ASCC3: variants seen among roughly 807,000 people sequenced by gnomAD.
ASCC3 encodes activating signal cointegrator 1 complex subunit 3.
In ASCC3, 158 loss-of-function variants were observed where a neutral mutation model predicts 256.3. The ratio of observed to expected loss-of-function variants is 0.62; its 90% confidence interval spans 0.54 to 0.70. ASCC3 has a LOEUF of 0.70. Among genes scored for constraint, ASCC3 ranks in the 30% least tolerant of loss-of-function variants. ASCC3 has a pLI of 0.00. For synonymous variants in ASCC3, 948 were observed against 883.4 expected (o/e 1.07, Z -1.30); for missense variants, 2,259 against 2,626.0 (o/e 0.86, Z 3.05).
intron 14 of ASCC3, among the ~76,000 whole-genome samples, chr6:100,673,434 T>G (rs1310341976): frequency 6.6e-6 from 1 of 152,100 alleles, no homozygotes; most frequent in East Asian, 1.9e-4. Flanking sequence ...AATTAACATA[T>G]TTTTGTCAAA....
At chr6:100,714,285 AT>A (rs905590706) in intron 13 of ASCC3, among the ~76,000 whole-genome samples, 2 of 152,136 alleles carry the variant, frequency 1.3e-5, no homozygotes, top group Non-Finnish European at 2.9e-5. Context: ...ATTTAGTAGG[AT>A]TTTTTTAATT....
intron 36 of ASCC3, among the ~76,000 whole-genome samples, chr6:100,574,870 A>G (rs764648701): frequency 4.6e-5 from 7 of 152,250 alleles, no homozygotes; most frequent in Admixed American, 6.5e-5. Context: ...AAGAAAGCTT[A>G]TAAGTGCAGA....
At chr6:100,839,558 G>A (rs1772040413) in intron 4 of ASCC3, among the ~76,000 whole-genome samples, 1 of 152,050 alleles carries the variant, frequency 6.6e-6, no homozygotes, top group South Asian at 2.1e-4. Context: ...AGGTTGACAG[G>A]TATCTTAAAA....
At chr6:100,517,357 G>T (rs1262391881) in intron 38 of ASCC3, among the ~76,000 whole-genome samples, 1 of 152,070 alleles carries the variant, frequency 6.6e-6, no homozygotes, top group East Asian at 1.9e-4. Flanking sequence ...CAATATTTTG[G>T]CTGCAAAGTA....
At chr6:100,866,190 G>A (rs1333289481) in intron 2 of ASCC3, among the ~76,000 whole-genome samples, 1 of 152,052 alleles carries the variant, frequency 6.6e-6, no homozygotes, top group African/African-American at 2.4e-5. Context: ...GGCTGGTCAC[G>A]AAGTCATGAC....
intron 37 of ASCC3, among the ~76,000 whole-genome samples, chr6:100,522,246 G>A (rs1220094646): frequency 2.0e-5 from 3 of 152,026 alleles, no homozygotes; most frequent in Non-Finnish European, 2.9e-5. Context: ...TACAAAGTTG[G>A]AATCAATTTC....
At chr6:100,859,347 T>A in intron 3 of ASCC3, 2 of 705,008 alleles carry the variant, frequency 2.8e-6, no homozygotes, top group Non-Finnish European at 5.3e-6. Context: ...TTCTAGGTAT[T>A]CTCTGTAGAG....
rs368524077 is a variant in ASCC3 at position 100,874,338 on chromosome 6, C to T, written c.-41-6300G>A. Among the ~76,000 whole-genome samples the T allele has an allele frequency of 3.4e-4, 51 of 151,926 alleles. No homozygotes were observed. In the East Asian group the frequency reaches 5.6e-3, roughly 17 times the overall value. On this transcript the variant is annotated intron_variant, in intron 1 of 41. Coordinates refer to ENST00000369162, the MANE Select transcript of ASCC3 (RefSeq NM_006828.4). ...GAAATTAGTTGGGCGTGGTGGTGCG[C>T]ACCTGTAGTCCCAGCTACTAAGGAG...
rs747452583 is a variant in ASCC3 at position 100,647,290 on chromosome 6, T to C, written c.3414A>G (p.Leu1138=). The C allele has an allele frequency of 1.2e-6, 2 of 1,614,040 alleles. No individual in the cohort carries two copies. Among genetic ancestry groups the C allele is most frequent in the East Asian group, 4.5e-5 (2 of 44,852 alleles). The change falls in exon 21 of 42, where the codon CTA becomes CTG. Residue 1138 remains leucine, a synonymous_variant. Coordinates refer to ENST00000369162, the MANE Select transcript of ASCC3 (RefSeq NM_006828.4). ...RQFSILPPHI[L]TRLEEKKLTV... The stretch of plus-strand genomic sequence containing the variant: ...TAAGCTTTTTTTCTTCTAATCTTGT[T>C]AGGATGTGTGGTGGTAGGATTGAAA...
chr6:100,809,561 G>A (rs535844992), intron 4 of ASCC3, among the ~76,000 whole-genome samples: 1 of 152,094 alleles, frequency 6.6e-6, no homozygotes, highest in African/African-American at 2.4e-5. Context: ...TGTACTTGAA[G>A]AGTTTCTCAG....
At chr6:100,663,442 T>C (rs1306834716) in intron 14 of ASCC3, among the ~76,000 whole-genome samples, 4 of 152,052 alleles carry the variant, frequency 2.6e-5, no homozygotes, top group Non-Finnish European at 5.9e-5. Flanking sequence ...ATATAAGCTG[T>C]AGACATTTCT....
At chr6:100,585,172 T>A (rs1424007876) in intron 36 of ASCC3, among the ~76,000 whole-genome samples, 3 of 152,188 alleles carry the variant, frequency 2.0e-5, no homozygotes, top group Admixed American at 6.5e-5. Context: ...TCCTGCAGAG[T>A]GTTTTCCAAA....
rs148486819 is a variant in ASCC3, at chr6:100,512,687, G to C, written c.6285+22C>G. 863 of 1,610,206 alleles carry C rather than the reference G, an allele frequency of 5.4e-4. 2 individuals carry two copies. The highest frequency in any genetic ancestry group is 5.9e-4 in the Non-Finnish European group (695 of 1,176,512). ...CTGGTATTTGGTGTGAAATATTTGA[G>C]AATGGAAACCAAACACTATACCTTG... is the stretch of plus-strand genomic sequence containing the variant. On this transcript the variant is annotated intron_variant, in intron 40 of 41. Transcript: ENST00000369162.
Position 100,650,723 on chromosome 6 carries a change from A to T in ASCC3, c.3076-9T>A. The T allele has an allele frequency of 6.2e-7, 1 of 1,601,160 alleles. No homozygotes were observed. ...ATTTCCTCTTCTCTGACCTAGAAGA[A>T]TCAATGTATTTATTGGAATTTTGGG... On this transcript the variant is annotated splice_polypyrimidine_tract_variant and intron_variant, in intron 19 of 41. Transcript: ENST00000369162.
intron 8 of ASCC3, among the ~76,000 whole-genome samples, chr6:100,786,827 G>C (rs1475917268): frequency 1.3e-5 from 2 of 152,024 alleles, no homozygotes; most frequent in Non-Finnish European, 2.9e-5. Flanking sequence ...ATATACCAGA[G>C]GCATACTTAT....
chr6:100,567,752 T>C (rs1770344703), intron 36 of ASCC3, among the ~76,000 whole-genome samples: 1 of 152,174 alleles, frequency 6.6e-6, no homozygotes, highest in African/African-American at 2.4e-5. Flanking sequence ...GGCTGTGTAG[T>C]ATTCCATGGT....
intron 14 of ASCC3, among the ~76,000 whole-genome samples, chr6:100,676,915 A>C (rs1477723425): frequency 6.6e-6 from 1 of 152,182 alleles, no homozygotes; most frequent in African/African-American, 2.4e-5. Context: ...TTAAACACTT[A>C]GGGGTAAGGC....
At chr6:100,612,098 G>A (rs1773428800) in intron 30 of ASCC3, among the ~76,000 whole-genome samples, 1 of 151,798 alleles carries the variant, frequency 6.6e-6, no homozygotes, top group Non-Finnish European at 1.5e-5. Context: ...GGGGGGAGGA[G>A]GCACATATGT....
intron 13 of ASCC3, among the ~76,000 whole-genome samples, chr6:100,697,139 T>A (rs1241504666): frequency 6.6e-6 from 1 of 152,044 alleles, no homozygotes; most frequent in Non-Finnish European, 1.5e-5. Flanking sequence ...TACATGCACA[T>A]AAAGCACATA....
Sources: gnomAD v4.1 joint callset for allele counts (sites outside exome capture counted in the v4.1 genomes callset) on GRCh38, gnomAD v4.1.1 for gene constraint, MANE v1.5 for transcripts, NCBI Gene and HGNC (gene_info 2026-07-23, HGNC 2026-07-21) for gene names.